The following HPSE2 variants were observed in gnomAD, a reference collection of about 807,000 sequenced individuals.
The protein encoded by HPSE2 is inactive heparanase-2.
In HPSE2, 38 loss-of-function variants were observed where a neutral mutation model predicts 60.5. That is an observed-to-expected ratio of 0.63 (90% confidence interval 0.48 to 0.82). The LOEUF (loss-of-function observed/expected upper bound fraction) is 0.82, where lower values mean the gene tolerates loss of function less well. Among genes scored for constraint, HPSE2 ranks in the 40% least tolerant of loss-of-function variants. The pLI is 0.00. For synonymous variants in HPSE2, 295 were observed against 293.2 expected (o/e 1.01, Z -0.06); for missense variants, 713 against 740.4 (o/e 0.96, Z 0.43).
chr10:99,132,247 GAA>G (rs1258619277), intron 3 of HPSE2, among the ~76,000 whole-genome samples: 2 of 131,364 alleles, frequency 1.5e-5, no homozygotes, highest in Non-Finnish European at 3.3e-5. Flanking sequence ...GAGAGAGAAA[GAA>G]AGAAAGAAAG....
chr10:99,153,368 G>T lies in HPSE2; in HGVS notation c.449-8969C>A, dbSNP rs188771977. ...AATGTCCCTGTCTGACAGCTTTGAA[G>T]AGAGCACTGGTTCTCCCAGCAGGCA... On this transcript the variant is annotated intron_variant, in intron 2 of 11. Coordinates refer to ENST00000370552, the MANE Select transcript of HPSE2 (RefSeq NM_021828.5). Among the ~76,000 whole-genome samples the T allele has an allele frequency of 6.4e-4, 98 of 152,324 alleles. 1 individual carries two copies. The East Asian group carries it at 0.019, about 29-fold the overall frequency.
At chr10:98,940,345 T>C (rs1467298863) in intron 3 of HPSE2, among the ~76,000 whole-genome samples, 3 of 142,050 alleles carry the variant, frequency 2.1e-5, no homozygotes, top group Non-Finnish European at 4.5e-5. Flanking sequence ...GCAAGACTAA[T>C]AAAGAAGAAA....
intron 2 of HPSE2, among the ~76,000 whole-genome samples, chr10:99,184,819 TAG>T (rs1177556672): frequency 0.053 from 1,041 of 19,754 alleles, 155 homozygotes; most frequent in Middle Eastern, 0.083. Context: ...TATATATATA[TAG>T]AGAGAGAGAG....
At chr10:99,241,036 C>T in the HPSE2 span, among the ~76,000 whole-genome samples, 3 of 152,068 alleles carry the variant, frequency 2.0e-5, no homozygotes, top group African/African-American at 7.2e-5. Context: ...CTCAAAAAAA[C>T]CCTAAGAAGA....
At chr10:98,807,644 A>C (rs776321668) in intron 3 of HPSE2, among the ~76,000 whole-genome samples, 33 of 152,130 alleles carry the variant, frequency 2.2e-4, no homozygotes, top group Admixed American at 5.9e-4. Flanking sequence ...ATGGCTCTCA[A>C]GTTTTATTTG....
chr10:99,005,340 TTTTC>T (rs1956867309), intron 3 of HPSE2, among the ~76,000 whole-genome samples: 1 of 152,138 alleles, frequency 6.6e-6, no homozygotes, highest in Non-Finnish European at 1.5e-5. Flanking sequence ...TCTTCACTCC[TTTTC>T]TTTTTAATTT....
intron 3 of HPSE2, among the ~76,000 whole-genome samples, chr10:99,122,649 T>C (rs921476344): frequency 6.6e-6 from 1 of 151,938 alleles, no homozygotes; most frequent in Non-Finnish European, 1.5e-5. Context: ...AGTTACCAAG[T>C]GACACAAAAT....
chr10:98,517,972 C>A (rs1053896017), intron 9 of HPSE2, among the ~76,000 whole-genome samples: 1 of 152,138 alleles, frequency 6.6e-6, no homozygotes. Flanking sequence ...TGATTATTAC[C>A]CAAGAAGTAA....
rs1948892444 is a variant in HPSE2 at position 98,720,347 on chromosome 10, T to C, written c.956+1310A>G. Among the ~76,000 whole-genome samples the C allele has an allele frequency of 2.0e-5, 3 of 151,942 alleles. No individual in the cohort carries two copies. In the South Asian group the frequency reaches 6.2e-4, roughly 32 times the overall value. The stretch of plus-strand genomic sequence containing the variant: ...TGTGTTACTAACCAAATTTGGGGGA[T>C]AAGAGGAAACATAAGGATTTGAAAA... On this transcript the variant is annotated intron_variant, in intron 5 of 11. Coordinates refer to ENST00000370552, the MANE Select transcript of HPSE2 (RefSeq NM_021828.5).
chr10:99,033,894 C>A (rs1242882446), intron 3 of HPSE2, among the ~76,000 whole-genome samples: 2 of 152,166 alleles, frequency 1.3e-5, no homozygotes, highest in East Asian at 3.8e-4. Context: ...ATGGTACAGT[C>A]AGTTTGGAAA....
intron 3 of HPSE2, among the ~76,000 whole-genome samples, chr10:98,931,992 C>T (rs1341329313): frequency 7.0e-6 from 1 of 143,826 alleles, no homozygotes; most frequent in East Asian, 2.0e-4. Flanking sequence ...CTGGCCAGAA[C>T]TTCCAGCACT....
chr10:98,811,453 G>A (rs547576197), intron 3 of HPSE2, among the ~76,000 whole-genome samples: 1 of 152,214 alleles, frequency 6.6e-6, no homozygotes, highest in Admixed American at 6.5e-5. Context: ...TAGAATTAAT[G>A]AAGAAATAAA....
At chr10:98,763,226 A>T (rs1184021369) in intron 3 of HPSE2, among the ~76,000 whole-genome samples, 3 of 152,058 alleles carry the variant, frequency 2.0e-5, no homozygotes, top group Non-Finnish European at 4.4e-5. Context: ...GACTCATGTC[A>T]TTGGCATCCC....
At chr10:98,789,742 A>G (rs1280695950) in intron 3 of HPSE2, among the ~76,000 whole-genome samples, 2 of 152,158 alleles carry the variant, frequency 1.3e-5, no homozygotes, top group African/African-American at 2.4e-5. Flanking sequence ...TTTTTAAGGG[A>G]AATATGAGCA....
chr10:99,282,198 G>T, the HPSE2 span, among the ~76,000 whole-genome samples: 31 of 152,186 alleles, frequency 2.0e-4, no homozygotes, highest in African/African-American at 7.0e-4. Flanking sequence ...GGGGGAGCTT[G>T]CAGTGAGCCA....
At chr10:98,659,109 G>GA (rs1304556384) in intron 6 of HPSE2, among the ~76,000 whole-genome samples, 1 of 151,792 alleles carries the variant, frequency 6.6e-6, no homozygotes, top group Non-Finnish European at 1.5e-5. Context: ...CCTCCCTATA[G>GA]AACCTGGAAA....
chr10:98,591,939 C>A (rs972602051), intron 9 of HPSE2, among the ~76,000 whole-genome samples: 4 of 152,138 alleles, frequency 2.6e-5, no homozygotes, highest in African/African-American at 9.7e-5. Flanking sequence ...AAAAGTGTTT[C>A]CAAATGACAA....
chr10:99,094,990 C>T (rs925053765), intron 3 of HPSE2, among the ~76,000 whole-genome samples: 25 of 151,996 alleles, frequency 1.6e-4, no homozygotes, highest in African/African-American at 6.0e-4. Flanking sequence ...GAGTTCCAAA[C>T]CAGCCTGGGC....
At chr10:99,182,184 G>C (rs892878645) in intron 2 of HPSE2, among the ~76,000 whole-genome samples, 1 of 152,194 alleles carries the variant, frequency 6.6e-6, no homozygotes, top group Non-Finnish European at 1.5e-5. Flanking sequence ...TTTTAAAAGA[G>C]ACCTCTTTAC....
Sources: gnomAD v4.1 joint callset for allele counts (sites outside exome capture counted in the v4.1 genomes callset) on GRCh38, gnomAD v4.1.1 for gene constraint, MANE v1.5 for transcripts, NCBI Gene and HGNC (gene_info 2026-07-23, HGNC 2026-07-21) for gene names.